EPN2: variants seen among roughly 807,000 people sequenced by gnomAD.
EPN2 encodes the protein epsin-2.
Under a neutral mutation model 61.7 loss-of-function variants are expected in EPN2, and 34 were observed. That is an observed-to-expected ratio of 0.55 (90% CI 0.42 to 0.73). EPN2 has a LOEUF of 0.73. EPN2 is among the 30% of genes least tolerant of loss of function. The probability of loss-of-function intolerance (pLI) is 0.00; values close to 1 mark genes in which losing one functional copy is unlikely to be tolerated. For missense variants in EPN2, 714 were observed against 839.2 expected, an observed-to-expected ratio of 0.85 and a Z score of 1.84; for synonymous variants, 349 against 353.6, an observed-to-expected ratio of 0.99 and a Z score of 0.15.
At chr17:19,259,993 T>C (rs1212306387) in intron 1 of EPN2, among the ~76,000 whole-genome samples, 1 of 152,226 alleles carries the variant, frequency 6.6e-6, no homozygotes, top group Non-Finnish European at 1.5e-5. Flanking sequence ...CCCAGTCTGC[T>C]GTCCTGTGCC....
chr17:19,247,555 G>A (rs1246928637), intron 1 of EPN2, among the ~76,000 whole-genome samples: 1 of 152,244 alleles, frequency 6.6e-6, no homozygotes, highest in East Asian at 1.9e-4. Context: ...TAAAGCTTGA[G>A]ATGGGATGGG....
intron 1 of EPN2, chr17:19,271,421 T>C (rs2045252374): frequency 6.6e-6 from 1 of 152,164 alleles, no homozygotes; most frequent in Admixed American, 6.5e-5. Context: ...GAAATGAGAG[T>C]GCAGCATGTG....
At chr17:19,260,428 G>A (rs991367155) in intron 1 of EPN2, among the ~76,000 whole-genome samples, 3 of 152,158 alleles carry the variant, frequency 2.0e-5, no homozygotes, top group South Asian at 2.1e-4. Context: ...AGGGACAGAC[G>A]CGGGACGGTG....
At chr17:19,242,977 T>C (rs2044901640) in intron 1 of EPN2, among the ~76,000 whole-genome samples, 1 of 152,194 alleles carries the variant, frequency 6.6e-6, no homozygotes, top group Admixed American at 6.5e-5. Context: ...ATGTGGCAGA[T>C]AGCTTTGGAA....
chr17:19,318,696 G>T (rs1906505519), intron 7 of EPN2, among the ~76,000 whole-genome samples: 1 of 151,948 alleles, frequency 6.6e-6, no homozygotes. Flanking sequence ...GGGGAAGCAG[G>T]GCCCATAAGA....
intron 1 of EPN2, among the ~76,000 whole-genome samples, chr17:19,257,227 C>G (rs1327548368): frequency 6.6e-6 from 1 of 151,942 alleles, no homozygotes; most frequent in African/African-American, 2.4e-5. Context: ...TTTCCCCCTT[C>G]TTTGCCTTTG....
intron 4 of EPN2, among the ~76,000 whole-genome samples, chr17:19,294,230 C>T (rs1040679335): frequency 7.0e-6 from 1 of 143,604 alleles, no homozygotes; most frequent in African/African-American, 2.6e-5. Flanking sequence ...CCAGCCTGGA[C>T]AACACAACAA....
Position 19,283,061 on chromosome 17 carries a change from C to A in EPN2, c.-59C>A. 7.6e-7 allele frequency: 1 copy of A among 1,322,548 alleles called. No homozygotes were observed. The highest frequency in any genetic ancestry group is 1.1e-6 in the Non-Finnish European group (1 of 949,594). 81.9% of individuals were successfully genotyped at this position (1,322,548 alleles called of 1,614,324 possible). A position where few individuals can be genotyped will look rare whatever the true frequency, so the allele number is the denominator to read the frequency against. ...GAACCTTCATAGGGTGCGCACTTAC[C>A]AAGGACAGGAAGGTTTCTCTGTTTG... On this transcript the variant is annotated 5_prime_UTR_variant, in exon 3 of 11. Transcript: ENST00000314728. The surrounding 1 kb of genome is among the most constrained non-coding windows in gnomAD (Gnocchi z 7.0).
intron 4 of EPN2, among the ~76,000 whole-genome samples, chr17:19,295,362 A>ACG (rs1182989127): frequency 1.5e-3 from 108 of 71,070 alleles, no homozygotes; most frequent in Admixed American, 4.3e-3. Flanking sequence ...ACACACACAC[A>ACG]CACACGCGCG....
intron 1 of EPN2, among the ~76,000 whole-genome samples, chr17:19,270,810 G>C (rs28489136): frequency 6.6e-6 from 1 of 152,184 alleles, no homozygotes; most frequent in Non-Finnish European, 1.5e-5. Context: ...AAGGGGCATC[G>C]AGTGGATTCT....
chr17:19,246,086 C>T (rs1470143555), intron 1 of EPN2, among the ~76,000 whole-genome samples: 11 of 151,890 alleles, frequency 7.2e-5, no homozygotes, highest in South Asian at 2.1e-4. Context: ...TGTGGCTGGG[C>T]GTGGTGGCTC....
At position 19,335,360 on chromosome 17, in the gene EPN2, G is replaced by A. The variant is rs545092871; in HGVS notation, c.*1106G>A. On this transcript the variant is annotated 3_prime_UTR_variant, in exon 11 of 11. Transcript: ENST00000314728. ...AAAGAAAAAAATCTAATGTATGAAT[G>A]TGACTCACCAATTTTTATCAACTAA... The A allele has an allele frequency of 8.3e-5, 127 of 1,538,742 alleles. 1 individual carries two copies. The East Asian group carries it at 3.1e-3, about 38-fold the overall frequency.
intron 4 of EPN2, among the ~76,000 whole-genome samples, chr17:19,302,760 C>G (rs1388590032): frequency 6.6e-6 from 1 of 152,244 alleles, no homozygotes; most frequent in African/African-American, 2.4e-5. Flanking sequence ...GAAAAATTGT[C>G]TTCCACTAAA....
chr17:19,313,632 C>G (rs774355069), intron 7 of EPN2: 7 of 251,100 alleles, frequency 2.8e-5, no homozygotes, highest in Non-Finnish European at 4.6e-5. Flanking sequence ...AAATACACAG[C>G]ATGGAACATC....
chr17:19,242,964 G>C (rs112761205), intron 1 of EPN2, among the ~76,000 whole-genome samples: 4 of 152,180 alleles, frequency 2.6e-5, no homozygotes, highest in African/African-American at 9.7e-5. Context: ...GGCTTCAAAG[G>C]CCATGTGGCA....
intron 7 of EPN2, among the ~76,000 whole-genome samples, chr17:19,319,508 T>G (rs1906549789): frequency 6.6e-6 from 1 of 151,872 alleles, no homozygotes; most frequent in Admixed American, 6.6e-5. Context: ...TTTTTTTGTA[T>G]TTTTAGTAGA....
At chr17:19,332,342 T>A (rs190890295) in intron 10 of EPN2, among the ~76,000 whole-genome samples, 18 of 152,092 alleles carry the variant, frequency 1.2e-4, no homozygotes, top group Non-Finnish European at 1.8e-4. Context: ...CCCCCCCAGT[T>A]GTGAGACCCT....
At chr17:19,276,955 G>A (rs188758966) in intron 1 of EPN2, among the ~76,000 whole-genome samples, 1 of 152,188 alleles carries the variant, frequency 6.6e-6, no homozygotes, top group East Asian at 1.9e-4. Flanking sequence ...AGCCCAGAAG[G>A]TAACAAATGA....
intron 1 of EPN2, among the ~76,000 whole-genome samples, chr17:19,279,576 C>A (rs1254977193): frequency 6.6e-6 from 1 of 151,056 alleles, no homozygotes; most frequent in Non-Finnish European, 1.5e-5. Context: ...GTAGCTGGGA[C>A]TACAGGCGCC....
Sources: gnomAD v4.1 joint callset for allele counts (sites outside exome capture counted in the v4.1 genomes callset) on GRCh38, gnomAD v4.1.1 for gene constraint, Gnocchi (gnomAD v3.1) non-coding constraint, MANE v1.5 for transcripts, NCBI Gene and HGNC (gene_info 2026-07-23, HGNC 2026-07-21) for gene names.